NCS1: variants seen among roughly 807,000 people sequenced by gnomAD.
NCS1 encodes neuronal calcium sensor 1.
Under a neutral mutation model 28.4 loss-of-function variants are expected in NCS1, and 6 were observed. The ratio of observed to expected loss-of-function variants is 0.21; its 90% CI spans 0.12 to 0.42. The LOEUF (loss-of-function observed/expected upper bound fraction) is 0.42, where lower values mean the gene tolerates loss of function less well. Ranked by LOEUF, NCS1 falls within the 10% of genes least tolerant of loss-of-function variation. The pLI is 1.00. For missense variants in NCS1, 131 were observed against 241.4 expected, an observed-to-expected ratio of 0.54 and a Z score of 3.03; for synonymous variants, 86 against 99.3, an observed-to-expected ratio of 0.87 and a Z score of 0.79.
chr9:130,226,559 C>G lies in NCS1; in HGVS notation c.*17+55C>G. ...TCTGGGATGGGTCAGGGGTGAAAACCCAGCAGCAGGACACCTACGGTTGGC... is the reference window on the plus strand; with the variant it reads ...TCTGGGATGGGTCAGGGGTGAAAACGCAGCAGCAGGACACCTACGGTTGGC... On this transcript the variant is annotated intron_variant, in intron 7 of 7. Transcript: ENST00000372398. This position sits in a 1 kb window ranked among gnomAD's most constrained non-coding sequence, Gnocchi z 4.8. 1.5e-6 allele frequency: 2 copies of G among 1,337,262 alleles called. No individual in the cohort carries two copies. Among genetic ancestry groups the G allele is most frequent in the Non-Finnish European group, 2.1e-6 (2 of 948,478 alleles). The allele number at this position is 1,337,262 out of a possible 1,614,324, so 82.8% of individuals were successfully genotyped here.
chr9:130,212,836 C>T (rs1833131003), intron 2 of NCS1, among the ~76,000 whole-genome samples: 1 of 152,206 alleles, frequency 6.6e-6, no homozygotes, highest in East Asian at 1.9e-4. Context: ...GCAGCTGCTT[C>T]AGGGGGTCCT....
Position 130,175,791 on chromosome 9 carries a change from C to A in NCS1, c.64+3064C>A, listed in dbSNP as rs1204807449. Reference sequence around the variant, plus strand: ...CCTAACCCAGTCCTCAGCCTTCCACCAGCAACAGGTTAGGGAGAGATGGAC... The same window carrying A: ...CCTAACCCAGTCCTCAGCCTTCCACAAGCAACAGGTTAGGGAGAGATGGAC... On this transcript the variant is annotated intron_variant, in intron 1 of 7. Coordinates refer to ENST00000372398, the MANE Select transcript of NCS1 (RefSeq NM_014286.4). This position sits in a 1 kb window ranked among gnomAD's most constrained non-coding sequence, Gnocchi z 4.9. 6.6e-6 allele frequency among the ~76,000 whole-genome samples: 1 copy of A among 152,206 alleles called. No individual in the cohort carries two copies. The highest frequency in any genetic ancestry group is 2.4e-5 in the African/African-American group (1 of 41,448).
At chr9:130,178,888 CCCCTCCCCTG>C (rs1271107909) in intron 1 of NCS1, among the ~76,000 whole-genome samples, 2 of 28,764 alleles carry the variant, frequency 7.0e-5, no homozygotes, top group African/African-American at 1.2e-4. Context: ...TCCCTTCTTT[CCCCTCCCCTG>C]CCCTCCCCTC....
At chr9:130,193,211 T>G (rs1269280916) in intron 1 of NCS1, among the ~76,000 whole-genome samples, 1 of 152,036 alleles carries the variant, frequency 6.6e-6, no homozygotes, top group Non-Finnish European at 1.5e-5. Flanking sequence ...GGCTCTGAGG[T>G]ACTGCAGGGA....
At chr9:130,194,276 T>A (rs1372636358) in intron 1 of NCS1, among the ~76,000 whole-genome samples, 3 of 150,146 alleles carry the variant, frequency 2.0e-5, no homozygotes, top group Non-Finnish European at 4.5e-5. Context: ...ACAAGGGCTG[T>A]GTGGAAGGGA....
intron 6 of NCS1, among the ~76,000 whole-genome samples, chr9:130,225,884 C>T (rs1833406601): frequency 6.6e-6 from 1 of 152,156 alleles, no homozygotes; most frequent in South Asian, 2.1e-4. Context: ...GCCCAAACAT[C>T]CCCTCCCCGA....
intron 4 of NCS1, among the ~76,000 whole-genome samples, chr9:130,221,407 TATATATAG>T (rs1313772589): frequency 4.1e-3 from 177 of 42,670 alleles, no homozygotes; most frequent in South Asian, 0.011. Flanking sequence ...TATATATATA[TATATATAG>T]AGAGAGAGAG....
chr9:130,222,974 G>A lies in NCS1; in HGVS notation c.397-108G>A, dbSNP rs1462095807. The A allele has an allele frequency of 4.4e-5, 33 of 749,414 alleles. 1 individual carries two copies. The highest frequency in any genetic ancestry group is 1.1e-4 in the African/African-American group (6 of 56,044). 46.4% of individuals were successfully genotyped at this position (749,414 alleles called of 1,614,324 possible). ...GCAGGGATGGGGAGGGGAAAGAAGAGGGGGGCGGCCCTCATCTGGAAACTG... is the reference window on the plus strand; with the variant it reads ...GCAGGGATGGGGAGGGGAAAGAAGAAGGGGGCGGCCCTCATCTGGAAACTG... On this transcript the variant is annotated intron_variant, in intron 5 of 7. Transcript: ENST00000372398.
At chr9:130,213,503 T>A (rs529480466) in intron 2 of NCS1, among the ~76,000 whole-genome samples, 10 of 152,076 alleles carry the variant, frequency 6.6e-5, no homozygotes, top group African/African-American at 2.4e-4. Context: ...ATGGTCTCCA[T>A]CTCCTGACCT....
chr9:130,226,523 C>T lies in NCS1; in HGVS notation c.*17+19C>T. On this transcript the variant is annotated intron_variant, in intron 7 of 7. Coordinates refer to ENST00000372398, the MANE Select transcript of NCS1 (RefSeq NM_014286.4). This position sits in a 1 kb window ranked among gnomAD's most constrained non-coding sequence, Gnocchi z 4.8. ...GAGCTGGGTGAGTGCAGACTCGGGG[C>T]CTGGGGTGGGTCTGGGATGGGTCAG... The T allele has an allele frequency of 6.3e-7, 1 of 1,581,556 alleles. No individual in the cohort carries two copies. The highest frequency in any genetic ancestry group is 8.6e-7 in the Non-Finnish European group (1 of 1,156,462).
In NCS1 at chr9:130,175,204, T is replaced by C. The variant is rs2131111331; in HGVS notation, c.64+2477T>C. Among the ~76,000 whole-genome samples the C allele has an allele frequency of 6.6e-6, 1 of 152,180 alleles. No individual in the cohort carries two copies. The highest frequency in any genetic ancestry group is 6.5e-5 in the Admixed American group (1 of 15,276). On this transcript the variant is annotated intron_variant, in intron 1 of 7. Coordinates refer to ENST00000372398, the MANE Select transcript of NCS1 (RefSeq NM_014286.4). This position sits in a 1 kb window ranked among gnomAD's most constrained non-coding sequence, Gnocchi z 4.9. ...TGTGTTCCCCCCATGTGTTGGCCTT[T>C]AGTAGGTTCACAGAATGAAAAGTCT...
rs1833250717 is a variant in NCS1, at chr9:130,219,887, G to A, written c.307+84G>A. The A allele has an allele frequency of 1.1e-5, 16 of 1,424,552 alleles. No individual in the cohort carries two copies. The highest frequency in any genetic ancestry group is 1.6e-5 in the Non-Finnish European group (16 of 1,013,232). 88.2% of individuals were successfully genotyped at this position (1,424,552 alleles called of 1,614,324 possible). ...GGCAGCCCTCGGCCCTCACCAGGCA[G>A]GGGTGCCAGACACCCACTGCAGTGA... On this transcript the variant is annotated intron_variant, in intron 4 of 7. Transcript: ENST00000372398. The surrounding 1 kb of genome is among the most constrained non-coding windows in gnomAD (Gnocchi z 5.7).
chr9:130,225,753 C>T (rs1168013899), intron 6 of NCS1, among the ~76,000 whole-genome samples: 3 of 152,250 alleles, frequency 2.0e-5, no homozygotes, highest in African/African-American at 7.2e-5. Context: ...CGGTTGTGCT[C>T]ATCGGCGCTG....
Position 130,218,085 on chromosome 9 carries a change from C to T in NCS1, c.228+115C>T, listed in dbSNP as rs1365931124. On this transcript the variant is annotated intron_variant, in intron 3 of 7. Transcript: ENST00000372398. ...TTCCCTTCTAGAGAAGGAACACACA[C>T]ACGAGTGCATACTGACATGCACAGA... 4 of 1,343,286 alleles carry T rather than the reference C, an allele frequency of 3.0e-6. No homozygotes were observed. The African/African-American group carries it at 4.3e-5, about 14-fold the overall frequency. The allele number at this position is 1,343,286 out of a possible 1,614,324, so 83.2% of individuals were successfully genotyped here. A position where few individuals can be genotyped will look rare whatever the true frequency, so the allele number is the denominator to read the frequency against.
rs1247352932 is a variant in NCS1 at position 130,228,655 on chromosome 9, TTTTC to T, written c.*17+2167_*17+2170del. Among the ~76,000 whole-genome samples the T allele has an allele frequency of 2.3e-3, 349 of 151,972 alleles. 2 individuals carry two copies. Among genetic ancestry groups the T allele is most frequent in the African/African-American group, 7.7e-3 (321 of 41,472 alleles). ...TTTGTTTAGGAGGTCTACACTGTTT[TTTTC>T]TTTCTTTCTTTCTTTTTTTTTTTTT... On this transcript the variant is annotated intron_variant, in intron 7 of 7. Transcript: ENST00000372398.
At chr9:130,203,843 G>T (rs1832990002) in intron 2 of NCS1, among the ~76,000 whole-genome samples, 1 of 152,158 alleles carries the variant, frequency 6.6e-6, no homozygotes, top group African/African-American at 2.4e-5. Flanking sequence ...TATCATAGAT[G>T]AAGACACTGA....
At chr9:130,194,688 G>T (rs1240100662) in intron 1 of NCS1, among the ~76,000 whole-genome samples, 2 of 152,182 alleles carry the variant, frequency 1.3e-5, no homozygotes, top group Non-Finnish European at 2.9e-5. Context: ...AAGTGGCCCT[G>T]ACAGGATGGC....
At chr9:130,217,537 G>A (rs1367104961) in intron 2 of NCS1, among the ~76,000 whole-genome samples, 1 of 152,222 alleles carries the variant, frequency 6.6e-6, no homozygotes, top group African/African-American at 2.4e-5. Flanking sequence ...GGAGCACAGG[G>A]CTGGGTGGCC....
chr9:130,197,105 G>A (rs1832886115), intron 1 of NCS1, among the ~76,000 whole-genome samples: 2 of 152,180 alleles, frequency 1.3e-5, no homozygotes, highest in Admixed American at 6.5e-5. Flanking sequence ...AGACCTTCAC[G>A]GATAACGTGC....
Sources: allele counts gnomAD v4.1 joint callset (sites outside exome capture counted in the v4.1 genomes callset), GRCh38; gene constraint gnomAD v4.1.1; non-coding constraint Gnocchi (gnomAD v3.1); transcripts MANE v1.5; gene names NCBI Gene and HGNC (gene_info 2026-07-23, HGNC 2026-07-21).